CUBN: variants seen among roughly 807,000 people sequenced by gnomAD.
CUBN encodes cubilin.
In CUBN, 282 loss-of-function variants were observed where a neutral mutation model predicts 405.3. The observed-to-expected ratio is 0.70, with a 90% CI of 0.63 to 0.77. The LOEUF (loss-of-function observed/expected upper bound fraction) is 0.77, where lower values mean the gene tolerates loss of function less well. Ranked by LOEUF, CUBN falls within the 30% of genes least tolerant of loss-of-function variation. The probability of loss-of-function intolerance (pLI) is 0.00; values close to 1 mark genes in which losing one functional copy is unlikely to be tolerated. For synonymous variants in CUBN, 1,684 were observed against 1,617.0 expected, an observed-to-expected ratio of 1.04 and a Z score of -0.99; for missense variants, 4,514 against 4,475.2, an observed-to-expected ratio of 1.01 and a Z score of -0.25.
intron 57 of CUBN, among the ~76,000 whole-genome samples, chr10:16,876,472 T>A (rs935570266): frequency 5.9e-5 from 9 of 152,186 alleles, no homozygotes; most frequent in Non-Finnish European, 1.2e-4. Flanking sequence ...AAGTCTTTCC[T>A]ATCAGACTGT....
At chr10:16,904,155 CTTT>C in intron 50 of CUBN, 40 bp from the exon 51 acceptor site, 1 of 1,591,532 alleles carries the variant, frequency 6.3e-7, no homozygotes, top group South Asian at 1.1e-5. Flanking sequence ...ATTGATACAG[CTTT>C]TGAGAAATAC....
chr10:17,099,742 C>T (rs935584777), intron 14 of CUBN, among the ~76,000 whole-genome samples: 6 of 152,064 alleles, frequency 3.9e-5, no homozygotes, highest in African/African-American at 1.4e-4. Flanking sequence ...GTCCCAGCTA[C>T]TCAGAAGGCT....
chr10:16,980,970 G>T (rs5015063), intron 31 of CUBN, among the ~76,000 whole-genome samples: 125,522 of 151,866 alleles, frequency 0.83, 53,973 homozygotes, highest in Non-Finnish European at 0.96. Context: ...AGGTAGGAAT[G>T]CATTAAAAGT....
chr10:17,117,042 C>G (rs1836918293), intron 6 of CUBN, among the ~76,000 whole-genome samples: 2 of 151,958 alleles, frequency 1.3e-5, no homozygotes, highest in Non-Finnish European at 2.9e-5. Context: ...TCCAAAGTTG[C>G]CTTTGGAACG....
chr10:17,109,629 T>G lies in CUBN; in HGVS notation c.1111+11A>C, dbSNP rs773584117. 2 of 1,606,594 alleles carry G rather than the reference T, an allele frequency of 1.2e-6. No homozygotes were observed. The highest frequency in any genetic ancestry group is 3.3e-5 in the Admixed American group (2 of 60,002). Reference sequence around the variant, plus strand: ...CAATACCCAAAGCCAAAGAGAGAGATGAGTCATTACCTAGAGTTGAGGAGC... The same window carrying G: ...CAATACCCAAAGCCAAAGAGAGAGAGGAGTCATTACCTAGAGTTGAGGAGC... On this transcript the variant is annotated intron_variant, in intron 10 of 66. Coordinates refer to ENST00000377833, the MANE Select transcript of CUBN (RefSeq NM_001081.4).
chr10:16,954,693 C>G, intron 31 of CUBN, 145 bp from the exon 32 acceptor site: 1 of 856,400 alleles, frequency 1.2e-6, no homozygotes, highest in Non-Finnish European at 1.9e-6. Context: ...TCCTTTCTCA[C>G]AGCTGTAACA....
intron 60 of CUBN, among the ~76,000 whole-genome samples, chr10:16,843,603 A>C (rs1045242124): frequency 6.6e-6 from 1 of 152,212 alleles, no homozygotes; most frequent in African/African-American, 2.4e-5. Context: ...CTGGTAAACA[A>C]GTTAAAATTT....
chr10:16,879,622 C>T (rs1050018308), intron 56 of CUBN, among the ~76,000 whole-genome samples: 21 of 152,178 alleles, frequency 1.4e-4, no homozygotes, highest in African/African-American at 5.1e-4. Flanking sequence ...AGTCCCCTGG[C>T]CATAGACCTT....
chr10:16,922,024 C>G (rs960718267), intron 43 of CUBN, among the ~76,000 whole-genome samples: 1 of 152,196 alleles, frequency 6.6e-6, no homozygotes, highest in Non-Finnish European at 1.5e-5. Context: ...TCTGCATCCA[C>G]TCTTACTGCC....
chr10:17,056,129 CAGGT>C (rs1368364484), intron 22 of CUBN, among the ~76,000 whole-genome samples: 1 of 151,978 alleles, frequency 6.6e-6, no homozygotes, highest in Admixed American at 6.6e-5. Context: ...TGAACACAGG[CAGGT>C]GATTTTCAAC....
At chr10:17,083,000 G>A (rs1053753043) in intron 17 of CUBN, among the ~76,000 whole-genome samples, 10 of 151,898 alleles carry the variant, frequency 6.6e-5, no homozygotes, top group Non-Finnish European at 1.5e-4. Context: ...ATAGTGCCTG[G>A]AGTACAGGAA....
chr10:16,876,814 C>T (rs924370931), intron 57 of CUBN, 83 bp downstream of exon 57: 199 of 1,141,224 alleles, frequency 1.7e-4, no homozygotes, highest in Admixed American at 5.9e-4. Flanking sequence ...CAAGTTAGTG[C>T]TGTATGAATC....
chr10:16,967,792 A>T (rs1278848419), intron 31 of CUBN, among the ~76,000 whole-genome samples: 1 of 150,230 alleles, frequency 6.7e-6, no homozygotes, highest in South Asian at 2.1e-4. Context: ...AGAGAAGGAG[A>T]GACGGAGAGA....
At chr10:16,924,428 C>T (rs2131477156) in intron 43 of CUBN, among the ~76,000 whole-genome samples, 1 of 152,228 alleles carries the variant, frequency 6.6e-6, no homozygotes, top group East Asian at 1.9e-4. Context: ...GACTCTTATT[C>T]ATCTCTTTTA....
intron 59 of CUBN, among the ~76,000 whole-genome samples, chr10:16,862,096 C>T (rs374262886): frequency 4.2e-4 from 64 of 151,588 alleles, no homozygotes; most frequent in African/African-American, 1.5e-3. Context: ...TTGCAGTGAG[C>T]GGAGATCACG....
intron 19 of CUBN, among the ~76,000 whole-genome samples, chr10:17,070,023 G>A (rs566315322): frequency 1.3e-5 from 2 of 152,196 alleles, no homozygotes; most frequent in East Asian, 1.9e-4. Context: ...CTGACATTTA[G>A]GTCTATAATC....
intron 28 of CUBN, among the ~76,000 whole-genome samples, chr10:16,994,237 CA>C (rs1833669223): frequency 6.6e-6 from 1 of 152,078 alleles, no homozygotes; most frequent in Admixed American, 6.6e-5. Context: ...GCCCATAATA[CA>C]AGCAGTGCTA....
In CUBN at chr10:17,071,967, C is replaced by T. The variant is rs770625165; in HGVS notation, c.2306G>A (p.Arg769Gln). Residue 769 changes from arginine (R) to glutamine (Q), a missense_variant, in exon 18 of 67, where the codon CGA becomes CAA. Physicochemically the swap from Arg to Gln is conservative, Grantham distance 43. Around this residue, in one of 5 missense-constraint regions of CUBN, gnomAD observed 1,448 missense variants for 1,388.0 expected, o/e 1.04. Coordinates refer to ENST00000377833, the MANE Select transcript of CUBN (RefSeq NM_001081.4). Reference sequence around the variant, plus strand: ...TTTTCCAAGTAAGGTTTCACCATCTCGAACCTAAAGAGAAAAATAAAATAG... The same window carrying T: ...TTTTCCAAGTAAGGTTTCACCATCTTGAACCTAAAGAGAAAAATAAAATAG... The part of the protein sequence containing the change: ...SDSSQNYIEV[R>Q]DGETLLGKVC... 1.6e-5 allele frequency: 25 copies of T among 1,610,752 alleles called. No homozygotes were observed. Among genetic ancestry groups the T allele is most frequent in the East Asian group, 4.5e-5 (2 of 44,780 alleles).
chr10:16,935,372 CAA>C (rs1350534816), intron 39 of CUBN, among the ~76,000 whole-genome samples: 28 of 151,984 alleles, frequency 1.8e-4, no homozygotes, highest in African/African-American at 6.0e-4. Context: ...AGGCTGGTCT[CAA>C]ACTCCTGGGC....
Sources: allele counts gnomAD v4.1 joint callset (sites outside exome capture counted in the v4.1 genomes callset), GRCh38; gene constraint gnomAD v4.1.1; regional missense constraint gnomAD v4.1.1; transcripts MANE v1.5; gene names NCBI Gene and HGNC (gene_info 2026-07-23, HGNC 2026-07-21).